Variants in ERN1 observed in about 807,000 individuals in gnomAD.
ERN1 encodes the protein serine/threonine-protein kinase/endoribonuclease IRE1.
ERN1 carries 39 observed loss-of-function variants against 113.1 expected under a neutral mutation model. The observed-to-expected ratio is 0.34, with a 90% confidence interval of 0.27 to 0.45. The LOEUF (loss-of-function observed/expected upper bound fraction) is 0.45, where lower values mean the gene tolerates loss of function less well. ERN1 is among the 20% of genes least tolerant of loss of function. ERN1 has a pLI of 1.00. For missense variants in ERN1, 976 were observed against 1,274.8 expected (o/e 0.77, Z 3.57); for synonymous variants, 507 against 515.9 (o/e 0.98, Z 0.23).
chr17:64,060,360 C>T, intron 11 of ERN1, 109 bp downstream of exon 11: 1 of 736,948 alleles, frequency 1.4e-6, no homozygotes, highest in South Asian at 1.6e-5. Flanking sequence ...GTGCATTCCT[C>T]TTCCCTCCCA....
Position 64,044,806 on chromosome 17 carries a change from G to A in ERN1, c.2721+54C>T. On this transcript the variant is annotated intron_variant, in intron 21 of 21. Transcript: ENST00000433197. This position sits in a 1 kb window ranked among gnomAD's most constrained non-coding sequence, Gnocchi z 4.1. ...TATAAAGAATGGATGAAAGGAGGAA[G>A]GTGTCCATGTCATGGCCACTGGGTC... The A allele has an allele frequency of 9.4e-7, 1 of 1,058,474 alleles. No individual in the cohort carries two copies. The highest frequency in any genetic ancestry group is 1.4e-5 in the South Asian group (1 of 73,904). The allele number at this position is 1,058,474 out of a possible 1,614,324, so 65.6% of individuals were successfully genotyped here.
intron 2 of ERN1, among the ~76,000 whole-genome samples, chr17:64,085,736 G>A (rs1433161337): frequency 6.6e-6 from 1 of 152,188 alleles, no homozygotes; most frequent in African/African-American, 2.4e-5. Context: ...GAGCACAGCT[G>A]TAGAAAACAC....
chr17:64,089,798 A>G (rs544089667), intron 2 of ERN1, among the ~76,000 whole-genome samples: 9 of 152,320 alleles, frequency 5.9e-5, no homozygotes, highest in African/African-American at 2.2e-4. Flanking sequence ...TTTAAAGGTG[A>G]CATGGAGATT....
chr17:64,053,208 GCCCCACCTGGGCCACTGATTCT>G, intron 16 of ERN1, 42 bp downstream of exon 16: 1 of 1,386,722 alleles, frequency 7.2e-7, no homozygotes, highest in Non-Finnish European at 9.8e-7. Context: ...CTACTGGTTA[GCCCCACCTGGGCCACTGATTCT>G]CCCCACCCGG....
intron 1 of ERN1, among the ~76,000 whole-genome samples, chr17:64,103,405 G>C (rs777087964): frequency 6.6e-6 from 1 of 151,316 alleles, no homozygotes; most frequent in Admixed American, 6.6e-5. Flanking sequence ...GCTGAGGCAG[G>C]AGAATCGCTT....
intron 2 of ERN1, among the ~76,000 whole-genome samples, chr17:64,089,556 G>C (rs1914032348): frequency 6.6e-6 from 1 of 152,024 alleles, no homozygotes; most frequent in Admixed American, 6.6e-5. Flanking sequence ...AACACTTCAG[G>C]TCCCAAGCAT....
intron 1 of ERN1, among the ~76,000 whole-genome samples, chr17:64,119,561 G>T (rs1195865253): frequency 2.0e-5 from 3 of 150,492 alleles, no homozygotes; most frequent in African/African-American, 7.3e-5. Flanking sequence ...GCTAATTTTT[G>T]TCATTTTTTT....
At position 64,066,843 on chromosome 17, in the gene ERN1, A is replaced by T; in HGVS notation, c.670T>A (p.Ser224Thr). ...GDVLWIQNYA[S>T]PVVAFYVWQR... ...CAGACATAAAAGGCCACCACAGGGG[A>T]GGCGTAGTTTTGGATCCACAGGACG... The change falls in exon 8 of 22, where the codon TCC becomes ACC. Residue 224 changes from serine (S) to threonine (T), a missense_variant. Transcript: ENST00000433197. 1.2e-6 allele frequency: 2 copies of T among 1,613,932 alleles called. No individual in the cohort carries two copies. Among genetic ancestry groups the T allele is most frequent in the Non-Finnish European group, 1.7e-6 (2 of 1,179,854 alleles).
In ERN1 at chr17:64,044,222, G is replaced by A. The variant is rs762332981; in HGVS notation, c.2722-22C>T. Reference sequence around the variant, plus strand: ...GCTTCTGCAAAGAGTTAGAAAGCTCGGGAGATTAGAAAGGGGTTAGAAAGC... The same window carrying A: ...GCTTCTGCAAAGAGTTAGAAAGCTCAGGAGATTAGAAAGGGGTTAGAAAGC... On this transcript the variant is annotated intron_variant, in intron 21 of 21. Coordinates refer to ENST00000433197, the MANE Select transcript of ERN1 (RefSeq NM_001433.5). The surrounding 1 kb of genome is among the most constrained non-coding windows in gnomAD (Gnocchi z 4.1). The A allele has an allele frequency of 8.1e-6, 12 of 1,476,588 alleles. No homozygotes were observed. Among genetic ancestry groups the A allele is most frequent in the African/African-American group, 5.7e-5 (4 of 70,646 alleles). The allele number at this position is 1,476,588 out of a possible 1,614,324, so 91.5% of individuals were successfully genotyped here.
At chr17:64,048,693 C>T (rs1450699785) in intron 18 of ERN1, among the ~76,000 whole-genome samples, 2 of 152,104 alleles carry the variant, frequency 1.3e-5, no homozygotes, top group Non-Finnish European at 2.9e-5. Flanking sequence ...CACTCGCCAT[C>T]CCAAGAGAGA....
intron 4 of ERN1, 103 bp from the exon 5 acceptor site, chr17:64,075,350 G>A: frequency 1.0e-6 from 1 of 1,002,850 alleles, no homozygotes; most frequent in Non-Finnish European, 1.4e-6. Flanking sequence ...CTGCTAAAAA[G>A]AGAGAAGCAC....
At chr17:64,048,720 C>T (rs1418528831) in intron 18 of ERN1, among the ~76,000 whole-genome samples, 1 of 152,092 alleles carries the variant, frequency 6.6e-6, no homozygotes, top group Non-Finnish European at 1.5e-5. Context: ...TTTGTCTTCC[C>T]AAATGCCAGT....
rs538301954 is a variant in ERN1, at chr17:64,044,116, G to A, written c.2806C>T (p.Arg936Cys). ...GTGTGTGCGAGGAGGTGGGGGAAGC[G>A]AGATGTGAAGTAGCACACGAAGTCG... is the stretch of plus-strand genomic sequence containing the variant. ...PDDFVCYFTS[R>C]FPHLLAHTYR... The change falls in exon 22 of 22, where the codon CGC (arginine) becomes TGC (cysteine). Residue 936 changes from arginine to cysteine, a missense_variant. Physicochemically the swap from Arg to Cys is radical, Grantham distance 180. Coordinates refer to ENST00000433197, the MANE Select transcript of ERN1 (RefSeq NM_001433.5). This position sits in a 1 kb window ranked among gnomAD's most constrained non-coding sequence, Gnocchi z 4.1. 57 of 1,611,952 alleles carry A rather than the reference G, an allele frequency of 3.5e-5. No homozygotes were observed. In the Admixed American group the frequency reaches 5.2e-4, roughly 15 times the overall value.
intron 6 of ERN1, among the ~76,000 whole-genome samples, chr17:64,069,632 G>A (rs1278782250): frequency 6.6e-6 from 1 of 152,206 alleles, no homozygotes; most frequent in Non-Finnish European, 1.5e-5. Context: ...GGCCCAATGT[G>A]TGATATGTGT....
At chr17:64,077,857 T>C (rs961699074) in intron 4 of ERN1, among the ~76,000 whole-genome samples, 1 of 152,096 alleles carries the variant, frequency 6.6e-6, no homozygotes, top group Non-Finnish European at 1.5e-5. Flanking sequence ...GCCATTTTCC[T>C]GCCTCAGCCT....
At chr17:64,099,441 C>T (rs577716102) in intron 1 of ERN1, among the ~76,000 whole-genome samples, 1 of 151,912 alleles carries the variant, frequency 6.6e-6, no homozygotes, top group East Asian at 1.9e-4. Context: ...AGGTAGGGGT[C>T]CCTTCAGCAA....
chr17:64,118,714 C>T (rs928517632), intron 1 of ERN1, among the ~76,000 whole-genome samples: 4 of 152,260 alleles, frequency 2.6e-5, no homozygotes, highest in African/African-American at 9.6e-5. Context: ...GAGATGGGTC[C>T]GGGAGCTGAG....
At position 64,058,006 on chromosome 17, in the gene ERN1, AGAGTTGCG is replaced by A; in HGVS notation, c.1207-21_1207-14del. On this transcript the variant is annotated splice_polypyrimidine_tract_variant and intron_variant, in intron 11 of 21. Transcript: ENST00000433197. ...CCAGGTTGATAACCTTGCATGGGAG[AGAGTTGCG>A]ACATCACTGCAAAATTTCTAGCCAG... 1 of 1,518,094 alleles carries A rather than the reference AGAGTTGCG, an allele frequency of 6.6e-7. No homozygotes were observed. 94.0% of individuals were successfully genotyped at this position (1,518,094 alleles called of 1,614,324 possible).
chr17:64,130,092 A>ACGACAGCGAGGCGGTGACCGAG lies in ERN1; in HGVS notation c.-85_-64dup, dbSNP rs1236444231. ...CAGAGGACGGGGCGGGGGCGCCGCG[A>ACGACAGCGAGGCGGTGACCGAG]CGACAGCGAGGCGGTGACCGAGCCT... On this transcript the variant is annotated 5_prime_UTR_variant, in exon 1 of 22. Coordinates refer to ENST00000433197, the MANE Select transcript of ERN1 (RefSeq NM_001433.5). The surrounding 1 kb of genome is among the most constrained non-coding windows in gnomAD (Gnocchi z 4.0). 22 of 1,280,754 alleles carry ACGACAGCGAGGCGGTGACCGAG rather than the reference A, an allele frequency of 1.7e-5. No individual in the cohort carries two copies. In the African/African-American group the frequency reaches 3.3e-4, roughly 19 times the overall value. The allele number at this position is 1,280,754 out of a possible 1,614,324, so 79.3% of individuals were successfully genotyped here. A position where few individuals can be genotyped will look rare whatever the true frequency, so the allele number is the denominator to read the frequency against.
Sources: allele counts gnomAD v4.1 joint callset (sites outside exome capture counted in the v4.1 genomes callset), GRCh38; gene constraint gnomAD v4.1.1; non-coding constraint Gnocchi (gnomAD v3.1); transcripts MANE v1.5; gene names NCBI Gene and HGNC (gene_info 2026-07-23, HGNC 2026-07-21).